The following CENPP variants were observed in gnomAD, a reference collection of about 807,000 sequenced individuals.
CENPP encodes centromere protein P.
A neutral mutation model predicts 35.6 loss-of-function variants in CENPP; 24 were observed. The ratio of observed to expected loss-of-function variants is 0.67; its 90% CI spans 0.49 to 0.95. The LOEUF (loss-of-function observed/expected upper bound fraction) is 0.95. Ranked by LOEUF, CENPP falls within the 40% of genes least tolerant of loss-of-function variation. The pLI, the probability that CENPP is intolerant of heterozygous loss-of-function variation, is 0.00. For synonymous variants in CENPP, 120 were observed against 125.5 expected (o/e 0.96, Z 0.29); for missense variants, 332 against 345.3 (o/e 0.96, Z 0.31).
At chr9:92,474,821 A>G (rs780141507) in intron 5 of CENPP, 11 of 1,613,862 alleles carry the variant, frequency 6.8e-6, no homozygotes, top group African/African-American at 1.3e-5. Flanking sequence ...CATATTCTTC[A>G]GTGCGATGTG....
chr9:92,508,971 T>C (rs1847174079), intron 5 of CENPP, among the ~76,000 whole-genome samples: 1 of 151,914 alleles, frequency 6.6e-6, no homozygotes, highest in Non-Finnish European at 1.5e-5. Flanking sequence ...GCAGTCCTTG[T>C]CTCAAAAAAG....
intron 5 of CENPP, among the ~76,000 whole-genome samples, chr9:92,550,634 T>C (rs891976274): frequency 2.6e-5 from 4 of 152,122 alleles, no homozygotes; most frequent in Non-Finnish European, 2.9e-5. Flanking sequence ...TAGATAGTTA[T>C]GCATGTAAAG....
intron 1 of CENPP, among the ~76,000 whole-genome samples, chr9:92,331,243 C>T (rs1305721107): frequency 1.3e-5 from 2 of 152,176 alleles, no homozygotes; most frequent in East Asian, 3.9e-4. Flanking sequence ...TGCAGTGGCA[C>T]AATCTCTGCT....
chr9:92,505,802 GT>G (rs1554677872), intron 5 of CENPP: 23 of 854,180 alleles, frequency 2.7e-5, no homozygotes, highest in Admixed American at 6.2e-5. Flanking sequence ...GGCAAATACA[GT>G]TTTTTTTAAA....
intron 5 of CENPP, among the ~76,000 whole-genome samples, chr9:92,581,893 C>G (rs144651546): frequency 1.4e-4 from 21 of 152,118 alleles, no homozygotes; most frequent in Non-Finnish European, 2.1e-4. Context: ...GTTCTGAATT[C>G]TTGTGTTCAA....
At chr9:92,473,308 T>A (rs1353509471) in intron 5 of CENPP, among the ~76,000 whole-genome samples, 1 of 152,210 alleles carries the variant, frequency 6.6e-6, no homozygotes, top group African/African-American at 2.4e-5. Context: ...GCACTAAAGA[T>A]AAATGTGTCC....
chr9:92,570,206 C>T (rs1369365788), intron 5 of CENPP, among the ~76,000 whole-genome samples: 1 of 152,094 alleles, frequency 6.6e-6, no homozygotes. Context: ...ATGATATTGG[C>T]TGTGGGTTTG....
At chr9:92,474,875 A>G (rs763749029) in intron 5 of CENPP, 2 of 1,613,772 alleles carry the variant, frequency 1.2e-6, no homozygotes, top group Admixed American at 3.3e-5. Flanking sequence ...AGCCAGGAAT[A>G]ATAGGAGCAC....
At chr9:92,411,282 T>C (rs1006363478) in intron 5 of CENPP, among the ~76,000 whole-genome samples, 2 of 151,310 alleles carry the variant, frequency 1.3e-5, no homozygotes, top group African/African-American at 4.9e-5. Flanking sequence ...AGATTCCTTG[T>C]TTTGAATTGC....
chr9:92,410,840 C>T (rs778762130), intron 5 of CENPP, among the ~76,000 whole-genome samples: 3 of 152,120 alleles, frequency 2.0e-5, no homozygotes, highest in Admixed American at 6.5e-5. Context: ...TATCTTTATC[C>T]TTATGACAAC....
At chr9:92,608,414 TG>T (rs1564019987) in intron 5 of CENPP, among the ~76,000 whole-genome samples, 1 of 152,240 alleles carries the variant, frequency 6.6e-6, no homozygotes. Flanking sequence ...AGAGCATGTT[TG>T]TCTTAACTCT....
upstream of CENPP, chr9:92,325,930 A>G: frequency 7.3e-7 from 1 of 1,366,122 alleles, no homozygotes; most frequent in South Asian, 1.2e-5. Flanking sequence ...CGAGGCTTGA[A>G]GCGCGGGTGA....
chr9:92,614,616 C>T lies in CENPP; in HGVS notation c.*1467C>T, dbSNP rs796298863. ...TCACAAAATTTCCCACAAAAATTTA[C>T]AATCAGCAAAATAGTTTCCTTATTT... On this transcript the variant is annotated 3_prime_UTR_variant, in exon 8 of 8. Coordinates refer to ENST00000375587, the MANE Select transcript of CENPP (RefSeq NM_001012267.3). 6 of 152,718 alleles carry T rather than the reference C, an allele frequency of 3.9e-5. No homozygotes were observed. The highest frequency in any genetic ancestry group is 1.4e-4 in the African/African-American group (6 of 41,562). The allele number at this position is 152,718 out of a possible 1,614,324, so 9.5% of individuals were successfully genotyped here. A position where few individuals can be genotyped will look rare whatever the true frequency, so the allele number is the denominator to read the frequency against.
intron 5 of CENPP, among the ~76,000 whole-genome samples, chr9:92,440,346 A>AAAATAAATAAATAAAT (rs58516284): frequency 7.9e-4 from 112 of 142,544 alleles, no homozygotes; most frequent in East Asian, 2.5e-3. Flanking sequence ...CTGATGAGTT[A>AAAATAAATAAATAAAT]AAATAAATAA....
At chr9:92,457,844 AACAT>A (rs1844941629) in intron 5 of CENPP, among the ~76,000 whole-genome samples, 2 of 152,174 alleles carry the variant, frequency 1.3e-5, no homozygotes, top group South Asian at 4.1e-4. Flanking sequence ...TACTTTTATA[AACAT>A]ACATATTTTT....
Position 92,533,328 on chromosome 9 carries a change from AATATATATATATAT to A in CENPP, c.565-77969_565-77956del, listed in dbSNP as rs202147064. 3.9e-4 allele frequency among the ~76,000 whole-genome samples: 15 copies of A among 38,336 alleles called. No homozygotes were observed. The East Asian group carries it at 5.9e-3, about 15-fold the overall frequency. The allele number at this position is 38,336 out of a possible 152,430, so 25.1% of individuals were successfully genotyped here. A position where few individuals can be genotyped will look rare whatever the true frequency, so the allele number is the denominator to read the frequency against. On this transcript the variant is annotated intron_variant, in intron 5 of 7. Transcript: ENST00000375587. ...CAAAAAAAAAAAAAAAAAAAAAAAA[AATATATATATATAT>A]ATATATATATATATATGCTTTGGGT... is the stretch of plus-strand genomic sequence containing the variant.
rs1851376131 is a variant in CENPP at position 92,614,677 on chromosome 9, CTAA to C, written c.*1531_*1533del. 1.3e-5 allele frequency: 2 copies of C among 152,618 alleles called. No homozygotes were observed. The highest frequency in any genetic ancestry group is 2.4e-5 in the African/African-American group (1 of 41,430). 9.5% of individuals were successfully genotyped at this position (152,618 alleles called of 1,614,324 possible). On this transcript the variant is annotated 3_prime_UTR_variant, in exon 8 of 8. Coordinates refer to ENST00000375587, the MANE Select transcript of CENPP (RefSeq NM_001012267.3). ...ATTTTCATATAATTCCATGGTTTCA[CTAA>C]TATTATATGTTACAATAAGCCTCCA...
intron 5 of CENPP, among the ~76,000 whole-genome samples, chr9:92,592,086 G>A (rs958905701): frequency 6.6e-6 from 1 of 151,454 alleles, no homozygotes; most frequent in Admixed American, 6.6e-5. Context: ...AGCATATATA[G>A]ACACATATAC....
chr9:92,379,354 C>T (rs1190314534), intron 4 of CENPP, among the ~76,000 whole-genome samples: 1 of 152,176 alleles, frequency 6.6e-6, no homozygotes, highest in Admixed American at 6.5e-5. Context: ...ACGTAGAAGC[C>T]ACTATGAGAC....
Sources: gnomAD v4.1 joint callset for allele counts (sites outside exome capture counted in the v4.1 genomes callset) on GRCh38, gnomAD v4.1.1 for gene constraint, MANE v1.5 for transcripts, NCBI Gene and HGNC (gene_info 2026-07-23, HGNC 2026-07-21) for gene names.